Variants in RNF180 observed in about 807,000 individuals in gnomAD.
RNF180 encodes ring finger protein 180.
A neutral mutation model predicts 59.2 loss-of-function variants in RNF180; 38 were observed. That is an observed-to-expected ratio of 0.64 (90% CI 0.50 to 0.84). RNF180 has a LOEUF of 0.84. Ranked by LOEUF, RNF180 falls within the 40% of genes least tolerant of loss-of-function variation. RNF180 has a pLI of 0.00. For synonymous variants in RNF180, 262 were observed against 240.3 expected, an observed-to-expected ratio of 1.09 and a Z score of -0.84; for missense variants, 705 against 700.9, an observed-to-expected ratio of 1.01 and a Z score of -0.07.
intron 2 of RNF180, 77 bp downstream of exon 2, chr5:64,201,019 T>C (rs887385514): frequency 3.6e-6 from 4 of 1,103,044 alleles, no homozygotes; most frequent in Admixed American, 4.3e-5. Flanking sequence ...TGCACACTTA[T>C]TCTTCTCTAC....
intron 5 of RNF180, among the ~76,000 whole-genome samples, chr5:64,239,716 G>A (rs978487411): frequency 6.6e-6 from 1 of 152,026 alleles, no homozygotes; most frequent in Non-Finnish European, 1.5e-5. Context: ...ATATATGCTA[G>A]TGCTAATAAA....
In RNF180 at chr5:64,352,406, A is replaced by G. The variant is rs557596156; in HGVS notation, c.1580-17209A>G. 7.2e-5 allele frequency among the ~76,000 whole-genome samples: 11 copies of G among 151,868 alleles called. No homozygotes were observed. In the East Asian group the frequency reaches 7.8e-4, roughly 11 times the overall value. Reference sequence around the variant, plus strand: ...GTTTTTTCTGTCTCTATCTCCTTCAATTCTGCTCTCATCTTAGTTATTTCT... The same window carrying G: ...GTTTTTTCTGTCTCTATCTCCTTCAGTTCTGCTCTCATCTTAGTTATTTCT... On this transcript the variant is annotated intron_variant, in intron 7 of 7. Coordinates refer to ENST00000389100, the MANE Select transcript of RNF180 (RefSeq NM_001113561.2).
chr5:64,321,029 C>T (rs1400727226), intron 5 of RNF180, among the ~76,000 whole-genome samples: 2 of 146,914 alleles, frequency 1.4e-5, no homozygotes, highest in African/African-American at 5.1e-5. Flanking sequence ...CAGAGCGAGA[C>T]TCCGTCTCAA....
At chr5:64,176,265 T>C (rs965059921) in intron 1 of RNF180, among the ~76,000 whole-genome samples, 9 of 152,140 alleles carry the variant, frequency 5.9e-5, no homozygotes, top group African/African-American at 2.2e-4. Context: ...TATTGGCATA[T>C]AGTTTTCATA....
chr5:64,178,993 A>C (rs544944187), intron 1 of RNF180, among the ~76,000 whole-genome samples: 55 of 152,300 alleles, frequency 3.6e-4, no homozygotes, highest in Admixed American at 2.8e-3. Context: ...ATAAATGAGA[A>C]CTACTTGCCC....
intron 7 of RNF180, among the ~76,000 whole-genome samples, chr5:64,352,071 A>AATT (rs1407864272): frequency 6.6e-6 from 1 of 151,994 alleles, no homozygotes; most frequent in Non-Finnish European, 1.5e-5. Context: ...TTATTGCCTC[A>AATT]ATTTCAGAGC....
intron 2 of RNF180, among the ~76,000 whole-genome samples, chr5:64,206,972 A>C (rs1276397553): frequency 6.6e-6 from 1 of 152,128 alleles, no homozygotes; most frequent in African/African-American, 2.4e-5. Context: ...AAGCAGACTA[A>C]GACCACACAC....
chr5:64,339,539 A>G (rs1745276118), intron 7 of RNF180, among the ~76,000 whole-genome samples: 1 of 152,210 alleles, frequency 6.6e-6, no homozygotes, highest in South Asian at 2.1e-4. Context: ...ATTTCATATA[A>G]GATGCCATCT....
chr5:64,177,990 G>C lies in RNF180; in HGVS notation c.-1+12037G>C, dbSNP rs549266495. Among the ~76,000 whole-genome samples, 223 of 152,112 alleles carry C rather than the reference G, an allele frequency of 1.5e-3. 1 individual carries two copies. Among genetic ancestry groups the C allele is most frequent in the African/African-American group, 5.2e-3 (214 of 41,518 alleles). ...GAAGGCCAAGGTGGGTGGATAATGAGGTCAGGAGATTGAGACCATCCTGAC... is the reference window on the plus strand; with the variant it reads ...GAAGGCCAAGGTGGGTGGATAATGACGTCAGGAGATTGAGACCATCCTGAC... On this transcript the variant is annotated intron_variant, in intron 1 of 7. Coordinates refer to ENST00000389100, the MANE Select transcript of RNF180 (RefSeq NM_001113561.2).
Position 64,327,638 on chromosome 5 carries a change from AT to A in RNF180, c.1453+2230del, listed in dbSNP as rs566709576. Among the ~76,000 whole-genome samples, 537 of 152,254 alleles carry A rather than the reference AT, an allele frequency of 3.5e-3. 3 individuals are homozygous for A. The Middle Eastern group carries it at 0.041, about 12-fold the overall frequency. On this transcript the variant is annotated intron_variant, in intron 6 of 7. Transcript: ENST00000389100. The stretch of plus-strand genomic sequence containing the variant: ...TTATTCCATTGTGACCAAATAAGCT[AT>A]TTGACATAACTTCAAGTTTTAAAAT...
Position 64,200,911 on chromosome 5 carries a change from T to C in RNF180, c.104T>C (p.Phe35Ser). The change falls in exon 2 of 8, where the codon TTT (phenylalanine) becomes TCT (serine). Residue 35 changes from phenylalanine (F) to serine (S), a missense_variant. Physicochemically the swap from Phe to Ser is radical, Grantham distance 155. Coordinates refer to ENST00000389100, the MANE Select transcript of RNF180 (RefSeq NM_001113561.2). ...AAATGTATAGCAAGCTCTGGTTGTT[T>C]TATGGAGTATCTTGAGAATCAAGTG... is the stretch of plus-strand genomic sequence containing the variant. Reference protein sequence around the residue: ...CRKCIASSGCFMEYLENQVIK... With the variant: ...CRKCIASSGCSMEYLENQVIK... 1.2e-6 allele frequency: 2 copies of C among 1,613,850 alleles called. No individual in the cohort carries two copies. The highest frequency in any genetic ancestry group is 2.2e-5 in the East Asian group (1 of 44,844).
intron 5 of RNF180, among the ~76,000 whole-genome samples, chr5:64,308,196 T>C (rs1743571660): frequency 6.6e-6 from 1 of 151,766 alleles, no homozygotes; most frequent in Non-Finnish European, 1.5e-5. Context: ...CAGTCAATCC[T>C]CATTATTTGT....
intron 1 of RNF180, among the ~76,000 whole-genome samples, chr5:64,192,903 G>GTGTGTATATATATATATATATA (rs1486448173): frequency 5.3e-5 from 5 of 93,890 alleles, no homozygotes; most frequent in Admixed American, 2.2e-4. Context: ...AGTGTGGCAT[G>GTGTGTATATATATATATATATA]TATATATATA....
chr5:64,168,007 G>A (rs1749742089), intron 1 of RNF180, among the ~76,000 whole-genome samples: 2 of 152,150 alleles, frequency 1.3e-5, no homozygotes, highest in African/African-American at 4.8e-5. Flanking sequence ...TAAACGTGCT[G>A]TCGTTTATAT....
At chr5:64,324,951 G>A (rs1744560421) in intron 5 of RNF180, among the ~76,000 whole-genome samples, 1 of 151,968 alleles carries the variant, frequency 6.6e-6, no homozygotes, top group African/African-American at 2.4e-5. Context: ...AATAGGTTTA[G>A]GTATATTTTA....
At chr5:64,230,974 G>T (rs575457933) in intron 5 of RNF180, among the ~76,000 whole-genome samples, 1 of 152,140 alleles carries the variant, frequency 6.6e-6, no homozygotes, top group African/African-American at 2.4e-5. Context: ...TGGTCCATTG[G>T]GTCTTGCCTA....
chr5:64,339,688 A>C (rs1471042156), intron 7 of RNF180, among the ~76,000 whole-genome samples: 1 of 151,842 alleles, frequency 6.6e-6, no homozygotes, highest in Non-Finnish European at 1.5e-5. Flanking sequence ...TCACAAAATT[A>C]GTGGGTTTTT....
chr5:64,325,458 T>A (rs1454849651), intron 6 of RNF180, 47 bp downstream of exon 6: 1 of 1,267,072 alleles, frequency 7.9e-7, no homozygotes, highest in Non-Finnish European at 1.1e-6. Context: ...ATTCTACCTC[T>A]TATAGTTCTA....
chr5:64,291,441 T>C (rs867280860), intron 5 of RNF180, among the ~76,000 whole-genome samples: 522 of 127,664 alleles, frequency 4.1e-3, no homozygotes, highest in South Asian at 0.022. Context: ...TTTTTTTTTT[T>C]TGAGGCGGAG....
Sources: allele counts gnomAD v4.1 joint callset (sites outside exome capture counted in the v4.1 genomes callset), GRCh38; gene constraint gnomAD v4.1.1; transcripts MANE v1.5; gene names NCBI Gene and HGNC (gene_info 2026-07-23, HGNC 2026-07-21).